Variants in NACC2 observed in about 807,000 individuals in gnomAD.
NACC2 encodes nucleus accumbens-associated protein 2.
In NACC2, 8 loss-of-function variants were observed where a neutral mutation model predicts 25.1. The observed-to-expected ratio is 0.32, with a 90% CI of 0.19 to 0.57. The LOEUF (loss-of-function observed/expected upper bound fraction) is 0.57, where lower values mean the gene tolerates loss of function less well. Ranked by LOEUF, NACC2 falls within the 20% of genes least tolerant of loss-of-function variation. The pLI, the probability that NACC2 is intolerant of heterozygous loss-of-function variation, is 0.89. For missense variants in NACC2, 644 were observed against 650.2 expected (o/e 0.99, Z 0.10); for synonymous variants, 435 against 294.7 (o/e 1.48, Z -4.88).
At chr9:136,023,547 T>C (rs1265255187) in intron 2 of NACC2, among the ~76,000 whole-genome samples, 1 of 152,108 alleles carries the variant, frequency 6.6e-6, no homozygotes, top group African/African-American at 2.4e-5. Context: ...CAGCACCCAC[T>C]CCTACCAGCA....
intron 2 of NACC2, 116 bp downstream of exon 2, chr9:136,049,520 G>A (rs1325334892): frequency 1.6e-6 from 1 of 615,038 alleles, no homozygotes; most frequent in Non-Finnish European, 2.9e-6. Flanking sequence ...AGGCTTGGTG[G>A]GGGGCTCCCC....
At position 136,009,678 on chromosome 9, in the gene NACC2, G is replaced by T. The variant is rs1190134727; in HGVS notation, c.*1838C>A. The T allele has an allele frequency of 6.6e-6, 1 of 152,326 alleles. No individual in the cohort carries two copies. Among genetic ancestry groups the T allele is most frequent in the Non-Finnish European group, 1.5e-5 (1 of 68,108 alleles). 9.4% of individuals were successfully genotyped at this position (152,326 alleles called of 1,614,324 possible). A position where few individuals can be genotyped will look rare whatever the true frequency, so the allele number is the denominator to read the frequency against. ...GGGGTGGGCTTCGGGGCAGAAAGGA[G>T]CCGCCCAGTGGGAATGCGTCTAACC... is the stretch of plus-strand genomic sequence containing the variant. On this transcript the variant is annotated 3_prime_UTR_variant, in exon 6 of 6. Transcript: ENST00000277554.
At chr9:136,028,797 C>T (rs1840433663) in intron 2 of NACC2, among the ~76,000 whole-genome samples, 1 of 152,200 alleles carries the variant, frequency 6.6e-6, no homozygotes, top group Non-Finnish European at 1.5e-5. Context: ...TGCTGCCTGG[C>T]CCTCTCCTCA....
intron 1 of NACC2, among the ~76,000 whole-genome samples, chr9:136,075,057 G>A (rs1830246585): frequency 6.6e-6 from 1 of 152,064 alleles, no homozygotes; most frequent in African/African-American, 2.4e-5. Context: ...CCTCCTCCAG[G>A]CCGACGCTCT....
At position 136,013,331 on chromosome 9, in the gene NACC2, G is replaced by A. The variant is rs2131131866; in HGVS notation, c.1158-35C>T. 1.3e-6 allele frequency: 2 copies of A among 1,588,316 alleles called. No homozygotes were observed. The highest frequency in any genetic ancestry group is 1.3e-5 in the African/African-American group (1 of 74,424). Reference sequence around the variant, plus strand: ...GGACCGGAAAGGCAGGCAGGGTGAGGATGATGGGGAGGGTACCTGGAGGCG... The same window carrying A: ...GGACCGGAAAGGCAGGCAGGGTGAGAATGATGGGGAGGGTACCTGGAGGCG... On this transcript the variant is annotated intron_variant, in intron 4 of 5. Transcript: ENST00000277554. This position sits in a 1 kb window ranked among gnomAD's most constrained non-coding sequence, Gnocchi z 6.6.
Position 136,055,054 on chromosome 9 carries a change from G to A in NACC2, c.-59-4474C>T, listed in dbSNP as rs1840903138. 6.6e-6 allele frequency among the ~76,000 whole-genome samples: 1 copy of A among 152,114 alleles called. No individual in the cohort carries two copies. The highest frequency in any genetic ancestry group is 6.5e-5 in the Admixed American group (1 of 15,278). On this transcript the variant is annotated intron_variant, in intron 1 of 5. Transcript: ENST00000277554. The surrounding 1 kb of genome is among the most constrained non-coding windows in gnomAD (Gnocchi z 4.9). ...GGAATAAGAAAATACAGGTGGCTGT[G>A]GTGTCGGAGTGGGGGGTCTCTCCTC...
intron 1 of NACC2, among the ~76,000 whole-genome samples, chr9:136,080,391 G>T (rs1261159305): frequency 6.6e-6 from 1 of 151,962 alleles, no homozygotes; most frequent in Non-Finnish European, 1.5e-5. Flanking sequence ...CTGCAGTGGG[G>T]TATTAAAAAC....
chr9:136,076,871 G>A (rs1030672781), intron 1 of NACC2, among the ~76,000 whole-genome samples: 3 of 151,906 alleles, frequency 2.0e-5, no homozygotes, highest in African/African-American at 4.8e-5. Flanking sequence ...TTAGCCGGGC[G>A]TGGTGGCGGG....
At chr9:136,085,233 T>C (rs1588585072) in intron 1 of NACC2, among the ~76,000 whole-genome samples, 2 of 126,820 alleles carry the variant, frequency 1.6e-5, no homozygotes, top group Admixed American at 2.0e-4. Flanking sequence ...CACTGCAACC[T>C]CCGCCTCCAG....
At chr9:136,081,078 G>C (rs190828903) in intron 1 of NACC2, among the ~76,000 whole-genome samples, 2 of 152,086 alleles carry the variant, frequency 1.3e-5, no homozygotes, top group African/African-American at 2.4e-5. Flanking sequence ...GAACGGCTGC[G>C]GGGAGAAGAA....
intron 2 of NACC2, among the ~76,000 whole-genome samples, chr9:136,037,068 C>G (rs1011997965): frequency 2.0e-5 from 3 of 152,078 alleles, no homozygotes; most frequent in Non-Finnish European, 2.9e-5. Flanking sequence ...GAATATGACA[C>G]CCTTAAAGTA....
At chr9:136,088,886 G>A (rs1479649407) in intron 1 of NACC2, among the ~76,000 whole-genome samples, 2 of 152,208 alleles carry the variant, frequency 1.3e-5, no homozygotes, top group Non-Finnish European at 2.9e-5. Context: ...CATCCTGGGG[G>A]AAGGTTTCCC....
At chr9:136,054,099 G>A (rs1190779481) in intron 1 of NACC2, among the ~76,000 whole-genome samples, 5 of 152,216 alleles carry the variant, frequency 3.3e-5, no homozygotes, top group Non-Finnish European at 5.9e-5. Flanking sequence ...TTGTGAAGCC[G>A]GCGGCTGAAG....
intron 3 of NACC2, among the ~76,000 whole-genome samples, chr9:136,015,636 C>T (rs1270881849): frequency 2.0e-5 from 3 of 152,180 alleles, no homozygotes; most frequent in Non-Finnish European, 4.4e-5. Context: ...CCAAGGAAAG[C>T]GCCTGAGGGC....
In NACC2 at chr9:136,086,326, G is replaced by A. The variant is rs1830378461; in HGVS notation, c.-60+8863C>T. On this transcript the variant is annotated intron_variant, in intron 1 of 5. Transcript: ENST00000277554. This position sits in a 1 kb window ranked among gnomAD's most constrained non-coding sequence, Gnocchi z 5.6. The stretch of plus-strand genomic sequence containing the variant: ...CCCACTCAGAGCTGGGAGGGGTTTG[G>A]GGGGTGGGGGTGCCTCTGTTTTCCT... Among the ~76,000 whole-genome samples the A allele has an allele frequency of 6.6e-6, 1 of 152,184 alleles. No individual in the cohort carries two copies. Among genetic ancestry groups the A allele is most frequent in the Non-Finnish European group, 1.5e-5 (1 of 68,018 alleles).
At chr9:136,060,544 G>A (rs1840995016) in intron 1 of NACC2, among the ~76,000 whole-genome samples, 1 of 152,230 alleles carries the variant, frequency 6.6e-6, no homozygotes, top group African/African-American at 2.4e-5. Flanking sequence ...ACTGGGGCCG[G>A]GTGGGGGGTG....
intron 5 of NACC2, 29 bp from the exon 6 acceptor site, chr9:136,012,053 C>G (rs748736914): frequency 1.1e-5 from 17 of 1,487,764 alleles, no homozygotes; most frequent in African/African-American, 4.3e-5. Context: ...GTGAGCTCAG[C>G]CACCTGCCTG....
At chr9:136,042,808 C>T (rs1301264751) in intron 2 of NACC2, among the ~76,000 whole-genome samples, 2 of 146,276 alleles carry the variant, frequency 1.4e-5, no homozygotes, top group African/African-American at 5.1e-5. Context: ...AGTGTTGCCC[C>T]ATCCTGGATA....
rs900841932 is a variant in NACC2, at chr9:136,040,350, A to G, written c.886+9286T>C. Among the ~76,000 whole-genome samples, 347 of 152,202 alleles carry G rather than the reference A, an allele frequency of 2.3e-3. 2 individuals carry two copies. Among genetic ancestry groups the G allele is most frequent in the African/African-American group, 8.0e-3 (333 of 41,524 alleles). ...ACAGAGCAAGACTCCGTCTCAAAAA[A>G]AAAAAATCAACTTTATTCCTATGTA... is the stretch of plus-strand genomic sequence containing the variant. On this transcript the variant is annotated intron_variant, in intron 2 of 5. Transcript: ENST00000277554.
Sources: gnomAD v4.1 joint callset for allele counts (sites outside exome capture counted in the v4.1 genomes callset) on GRCh38, gnomAD v4.1.1 for gene constraint, Gnocchi (gnomAD v3.1) non-coding constraint, MANE v1.5 for transcripts, NCBI Gene and HGNC (gene_info 2026-07-23, HGNC 2026-07-21) for gene names.